Variants in RABGAP1L observed in about 807,000 individuals in gnomAD.
The protein encoded by RABGAP1L is rab GTPase-activating protein 1-like.
In RABGAP1L, 63 loss-of-function variants were observed where a neutral mutation model predicts 137.7. The ratio of observed to expected loss-of-function variants is 0.46; its 90% confidence interval spans 0.37 to 0.56. The LOEUF (loss-of-function observed/expected upper bound fraction) is 0.56, where lower values mean the gene tolerates loss of function less well. Among genes scored for constraint, RABGAP1L ranks in the 20% least tolerant of loss-of-function variants. RABGAP1L has a pLI of 0.00. For missense variants in RABGAP1L, 1,095 were observed against 1,244.0 expected (o/e 0.88, Z 1.80); for synonymous variants, 431 against 433.7 (o/e 0.99, Z 0.08).
intron 14 of RABGAP1L, among the ~76,000 whole-genome samples, chr1:174,670,501 C>A (rs1252213712): frequency 6.6e-6 from 1 of 152,050 alleles, no homozygotes; most frequent in Non-Finnish European, 1.5e-5. Context: ...ATTCTTTCTT[C>A]TTTTTTTCCG....
intron 13 of RABGAP1L, among the ~76,000 whole-genome samples, chr1:174,512,092 A>G (rs554723130): frequency 6.6e-6 from 1 of 152,354 alleles, no homozygotes; most frequent in Non-Finnish European, 1.5e-5. Context: ...GGTAATTAAC[A>G]TATCCATTGT....
At position 174,720,395 on chromosome 1, in the gene RABGAP1L, C is replaced by T. The variant is rs1681426129; in HGVS notation, c.2169+18139C>T. On this transcript the variant is annotated intron_variant, in intron 17 of 25. Coordinates refer to ENST00000681986, the MANE Select transcript of RABGAP1L (RefSeq NM_001366446.1). ...CTCAGCTCACTGCAACCTCTGCCTACCTCTGCCTCCAGAGCTCAAGCACTC... is the reference window on the plus strand; with the variant it reads ...CTCAGCTCACTGCAACCTCTGCCTATCTCTGCCTCCAGAGCTCAAGCACTC... Among the ~76,000 whole-genome samples, 3 of 151,958 alleles carry T rather than the reference C, an allele frequency of 2.0e-5. No homozygotes were observed. In the South Asian group the frequency reaches 6.2e-4, roughly 32 times the overall value.
intron 18 of RABGAP1L, chr1:174,800,471 C>A (rs1688656271): frequency 4.5e-6 from 7 of 1,550,694 alleles, no homozygotes; most frequent in Non-Finnish European, 6.1e-6. Flanking sequence ...GGGGATGGGG[C>A]ATCGTCTGTT....
chr1:174,601,987 C>G (rs1350197140), intron 13 of RABGAP1L, among the ~76,000 whole-genome samples: 1 of 152,128 alleles, frequency 6.6e-6, no homozygotes, highest in African/African-American at 2.4e-5. Flanking sequence ...CCATATCACT[C>G]TCAGGCTTTT....
At chr1:174,502,400 A>G (rs1447491493) in intron 13 of RABGAP1L, among the ~76,000 whole-genome samples, 1 of 151,616 alleles carries the variant, frequency 6.6e-6, no homozygotes, top group Non-Finnish European at 1.5e-5. Flanking sequence ...AGAGCTTCTG[A>G]TCACATTTTT....
chr1:174,848,582 C>G (rs1166647682), intron 19 of RABGAP1L, among the ~76,000 whole-genome samples: 5,416 of 139,916 alleles, frequency 0.039, 278 homozygotes, highest in African/African-American at 0.091. Flanking sequence ...GCAGTCTGCC[C>G]GTTCTCAGAT....
At chr1:174,750,516 T>A (rs1684266687) in intron 17 of RABGAP1L, among the ~76,000 whole-genome samples, 1 of 152,154 alleles carries the variant, frequency 6.6e-6, no homozygotes, top group African/African-American at 2.4e-5. Context: ...TAACAATCAA[T>A]GAAATTTCAC....
chr1:174,551,141 T>G, intron 13 of RABGAP1L, among the ~76,000 whole-genome samples: 1 of 148,952 alleles, frequency 6.7e-6, no homozygotes, highest in Non-Finnish European at 1.5e-5. Context: ...CCTGGGAGGC[T>G]GAGGTTGCAG....
rs375552051 is a variant in RABGAP1L, at chr1:174,876,999, C to T, written c.2340+65039C>T. 1.8e-3 allele frequency among the ~76,000 whole-genome samples: 276 copies of T among 151,954 alleles called. 14 individuals carry two copies. The South Asian group carries it at 0.056, about 31-fold the overall frequency. On this transcript the variant is annotated intron_variant, in intron 19 of 25. Coordinates refer to ENST00000681986, the MANE Select transcript of RABGAP1L (RefSeq NM_001366446.1). ...TTTTCTAAGATTACGAAAAAATAAG[C>T]GTTAAGAACACTAAGAAAATTTACT...
At chr1:174,332,548 A>G (rs1681123588) in intron 11 of RABGAP1L, among the ~76,000 whole-genome samples, 1 of 152,088 alleles carries the variant, frequency 6.6e-6, no homozygotes, top group South Asian at 2.1e-4. Context: ...GATGTGCACC[A>G]CCACGCCTGG....
At chr1:174,795,192 C>T (rs750812167) in intron 18 of RABGAP1L, among the ~76,000 whole-genome samples, 2 of 151,962 alleles carry the variant, frequency 1.3e-5, no homozygotes, top group African/African-American at 4.8e-5. Context: ...TGTCACCCCT[C>T]CCCCCCAGTA....
intron 19 of RABGAP1L, among the ~76,000 whole-genome samples, chr1:174,939,547 CAAAAAAAAA>C (rs780377420): frequency 1.3e-5 from 1 of 79,208 alleles, no homozygotes; most frequent in Admixed American, 1.6e-4. Flanking sequence ...CTCTGTCTCA[CAAAAAAAAA>C]AAAAAAGAAA....
intron 1 of RABGAP1L, among the ~76,000 whole-genome samples, chr1:174,190,872 A>G (rs1391254826): frequency 3.3e-5 from 5 of 152,214 alleles, no homozygotes; most frequent in African/African-American, 1.2e-4. Flanking sequence ...AACACTTAGA[A>G]GCCATTGTAG....
chr1:174,281,518 C>T (rs571643505), intron 10 of RABGAP1L, among the ~76,000 whole-genome samples: 11 of 152,302 alleles, frequency 7.2e-5, no homozygotes, highest in South Asian at 2.1e-4. Context: ...AAGTCCCACC[C>T]GACCCAGAAG....
intron 10 of RABGAP1L, among the ~76,000 whole-genome samples, chr1:174,280,861 G>A (rs937275397): frequency 7.9e-5 from 12 of 152,196 alleles, no homozygotes; most frequent in African/African-American, 2.9e-4. Flanking sequence ...GAGTGTTACA[G>A]TTCTTAAAGA....
At chr1:174,583,235 T>C (rs1668871343) in intron 13 of RABGAP1L, among the ~76,000 whole-genome samples, 1 of 152,154 alleles carries the variant, frequency 6.6e-6, no homozygotes, top group African/African-American at 2.4e-5. Flanking sequence ...ATTACGATCA[T>C]TATATCCTTA....
intron 18 of RABGAP1L, chr1:174,799,838 G>A: frequency 1.0e-6 from 1 of 989,014 alleles, no homozygotes; most frequent in South Asian, 4.5e-5. Context: ...TGAGCTCATC[G>A]TTTTCTCCTT....
intron 13 of RABGAP1L, among the ~76,000 whole-genome samples, chr1:174,557,792 T>C (rs1666972893): frequency 6.6e-6 from 1 of 152,234 alleles, no homozygotes; most frequent in South Asian, 2.1e-4. Context: ...TCCTTCAGGA[T>C]ATACATTGGA....
At chr1:174,221,359 G>A (rs1045023917) in intron 3 of RABGAP1L, among the ~76,000 whole-genome samples, 195 bp downstream of exon 3, 38 of 152,146 alleles carry the variant, frequency 2.5e-4, no homozygotes, top group African/African-American at 8.9e-4. Context: ...TGGGAACAAA[G>A]ACTATGTCTG....
Sources: gnomAD v4.1 joint callset for allele counts (sites outside exome capture counted in the v4.1 genomes callset) on GRCh38, gnomAD v4.1.1 for gene constraint, MANE v1.5 for transcripts, NCBI Gene and HGNC (gene_info 2026-07-23, HGNC 2026-07-21) for gene names.